The following HS6ST3 variants were observed in gnomAD, a reference collection of about 807,000 sequenced individuals.
The protein encoded by HS6ST3 is heparan sulfate 6-O-sulfotransferase 3.
A neutral mutation model predicts 36.7 loss-of-function variants in HS6ST3; 12 were observed. That is an observed-to-expected ratio of 0.33 (90% CI 0.21 to 0.53). HS6ST3 has a LOEUF of 0.53. HS6ST3 is among the 20% of genes least tolerant of loss of function. The pLI, the probability that HS6ST3 is intolerant of heterozygous loss-of-function variation, is 0.95. For synonymous variants in HS6ST3, 240 were observed against 257.5 expected (o/e 0.93, Z 0.65); for missense variants, 584 against 640.9 (o/e 0.91, Z 0.96).
At chr13:96,658,300 A>G (rs2056634029) in intron 1 of HS6ST3, among the ~76,000 whole-genome samples, 1 of 27,712 alleles carries the variant, frequency 3.6e-5, no homozygotes, top group Non-Finnish European at 6.1e-5. Flanking sequence ...TTTTTTTTTG[A>G]GATGGCGTCT....
intron 1 of HS6ST3, among the ~76,000 whole-genome samples, chr13:96,536,404 G>A (rs183594504): frequency 3.3e-5 from 5 of 152,246 alleles, no homozygotes; most frequent in Admixed American, 6.5e-5. Context: ...AAAAGCTCCC[G>A]CTGTTACACT....
At chr13:96,443,940 A>C (rs1275819531) in intron 1 of HS6ST3, among the ~76,000 whole-genome samples, 1 of 152,216 alleles carries the variant, frequency 6.6e-6, no homozygotes, top group Non-Finnish European at 1.5e-5. Flanking sequence ...CACAGATTGC[A>C]CTTACATAGT....
intron 1 of HS6ST3, among the ~76,000 whole-genome samples, chr13:96,350,135 T>C (rs2055174708): frequency 6.6e-6 from 1 of 152,242 alleles, no homozygotes; most frequent in African/African-American, 2.4e-5. Flanking sequence ...CTGCCTTGTT[T>C]CTGCTATTAT....
At chr13:96,381,282 C>T (rs2055339239) in intron 1 of HS6ST3, among the ~76,000 whole-genome samples, 1 of 152,048 alleles carries the variant, frequency 6.6e-6, no homozygotes, top group Non-Finnish European at 1.5e-5. Context: ...TATTTATAAG[C>T]TTATATTTTT....
At chr13:96,627,841 CTTTTA>C in intron 1 of HS6ST3, among the ~76,000 whole-genome samples, 1 of 151,678 alleles carries the variant, frequency 6.6e-6, no homozygotes, top group African/African-American at 2.4e-5. Context: ...CTTTTATTAC[CTTTTA>C]AATGTCTTCT....
intron 1 of HS6ST3, among the ~76,000 whole-genome samples, chr13:96,283,951 G>A (rs2054787697): frequency 6.6e-6 from 1 of 152,132 alleles, no homozygotes; most frequent in African/African-American, 2.4e-5. Flanking sequence ...ATGAATAAGT[G>A]TTGTCTTACT....
intron 1 of HS6ST3, among the ~76,000 whole-genome samples, chr13:96,482,933 T>C (rs997143382): frequency 6.6e-6 from 1 of 152,236 alleles, no homozygotes; most frequent in African/African-American, 2.4e-5. Context: ...TTTTAGCATG[T>C]CATACACTAA....
At chr13:96,639,126 G>A (rs926840371) in intron 1 of HS6ST3, among the ~76,000 whole-genome samples, 3 of 151,872 alleles carry the variant, frequency 2.0e-5, no homozygotes, top group African/African-American at 7.3e-5. Flanking sequence ...TTGAAAGTGG[G>A]TCATTGAAGT....
chr13:96,489,527 A>T (rs1319589550), intron 1 of HS6ST3, among the ~76,000 whole-genome samples: 1 of 152,052 alleles, frequency 6.6e-6, no homozygotes, highest in Non-Finnish European at 1.5e-5. Flanking sequence ...TCCTAGTGAA[A>T]TTTTTTATTT....
rs1049462141 is a variant in HS6ST3 at position 96,777,434 on chromosome 13, A to G, written c.708-55056A>G. On this transcript the variant is annotated intron_variant, in intron 1 of 1. Transcript: ENST00000376705. The stretch of plus-strand genomic sequence containing the variant: ...GATTGTATATGTAGAAAACTGCATC[A>G]TCTCAGCCCAAAATCTCCTTAAGCT... Among the ~76,000 whole-genome samples, 3 of 152,218 alleles carry G rather than the reference A, an allele frequency of 2.0e-5. No individual in the cohort carries two copies. In the South Asian group the frequency reaches 6.2e-4, roughly 32 times the overall value.
chr13:96,730,814 G>T (rs1876131819), intron 1 of HS6ST3, among the ~76,000 whole-genome samples: 1 of 152,094 alleles, frequency 6.6e-6, no homozygotes, highest in South Asian at 2.1e-4. Context: ...GTTCACTGCA[G>T]CCTTGGCCTC....
chr13:96,803,732 G>A lies in HS6ST3; in HGVS notation c.708-28758G>A, dbSNP rs1163658869. On this transcript the variant is annotated intron_variant, in intron 1 of 1. Transcript: ENST00000376705. ...TGAGAGTGGGGAGGCAAAAGGTTTCGTGTTGGGGCATGGGTAATTCTAGCA... is the reference window on the plus strand; with the variant it reads ...TGAGAGTGGGGAGGCAAAAGGTTTCATGTTGGGGCATGGGTAATTCTAGCA... Among the ~76,000 whole-genome samples the A allele has an allele frequency of 3.3e-5, 5 of 152,122 alleles. No individual in the cohort carries two copies. The South Asian group carries it at 6.2e-4, about 19-fold the overall frequency.
intron 1 of HS6ST3, among the ~76,000 whole-genome samples, chr13:96,629,389 C>T (rs1023594516): frequency 1.3e-5 from 2 of 152,078 alleles, no homozygotes; most frequent in Admixed American, 6.6e-5. Context: ...AATTTCTTTC[C>T]TCTTGAAGCA....
In HS6ST3 at chr13:96,201,919, C is replaced by T. The variant is rs144473240; in HGVS notation, c.707+110350C>T. Reference sequence around the variant, plus strand: ...TGAAATGGATTATTTGTGGCAAATACTGGTTGCTTGTTTCAAAGGAACTGG... The same window carrying T: ...TGAAATGGATTATTTGTGGCAAATATTGGTTGCTTGTTTCAAAGGAACTGG... On this transcript the variant is annotated intron_variant, in intron 1 of 1. Transcript: ENST00000376705. Among the ~76,000 whole-genome samples, 395 of 152,200 alleles carry T rather than the reference C, an allele frequency of 2.6e-3. 3 individuals are homozygous for T. The highest frequency in any genetic ancestry group is 8.5e-3 in the African/African-American group (351 of 41,538).
intron 1 of HS6ST3, among the ~76,000 whole-genome samples, chr13:96,697,952 AT>A (rs1165454850): frequency 6.6e-6 from 1 of 152,022 alleles, no homozygotes; most frequent in Non-Finnish European, 1.5e-5. Flanking sequence ...GTGACTACTT[AT>A]TTCATTTGTC....
At chr13:96,488,168 A>G (rs1208533437) in intron 1 of HS6ST3, among the ~76,000 whole-genome samples, 1 of 151,940 alleles carries the variant, frequency 6.6e-6, no homozygotes, top group African/African-American at 2.4e-5. Context: ...CTCTCTTTGG[A>G]TGTGTATGCA....
At chr13:96,480,660 G>T (rs545898486) in intron 1 of HS6ST3, among the ~76,000 whole-genome samples, 1 of 152,174 alleles carries the variant, frequency 6.6e-6, no homozygotes, top group African/African-American at 2.4e-5. Flanking sequence ...TACATCACTG[G>T]GTTCTAGAGG....
chr13:96,794,425 A>G (rs112095914), intron 1 of HS6ST3, among the ~76,000 whole-genome samples: 78 of 152,242 alleles, frequency 5.1e-4, no homozygotes, highest in African/African-American at 1.6e-3. Context: ...GACATATGTT[A>G]ACAATGAAGA....
intron 1 of HS6ST3, among the ~76,000 whole-genome samples, chr13:96,243,915 AG>A (rs979299419): frequency 6.6e-6 from 1 of 151,206 alleles, no homozygotes; most frequent in African/African-American, 2.4e-5. Flanking sequence ...GGGTGTGGAA[AG>A]GGGGGCTGCC....
Sources: allele counts gnomAD v4.1 joint callset (sites outside exome capture counted in the v4.1 genomes callset), GRCh38; gene constraint gnomAD v4.1.1; transcripts MANE v1.5; gene names NCBI Gene and HGNC (gene_info 2026-07-23, HGNC 2026-07-21).